Variants in GNG7 observed in about 807,000 individuals in gnomAD.
GNG7 encodes the protein G protein subunit gamma 7.
In GNG7, 1 loss-of-function variant was observed where a neutral mutation model predicts 4.0. The observed-to-expected ratio is 0.25, with a 90% CI of 0.09 to 1.18. GNG7 has a LOEUF of 1.18. GNG7 is among the 50% of genes most tolerant of loss of function. The pLI is 0.50. For missense variants in GNG7, 86 were observed against 91.9 expected (o/e 0.94, Z 0.26); for synonymous variants, 34 against 36.9 (o/e 0.92, Z 0.29).
chr19:2,688,021 G>A (rs1358203397), intron 1 of GNG7, among the ~76,000 whole-genome samples: 2 of 152,098 alleles, frequency 1.3e-5, no homozygotes, highest in Admixed American at 1.3e-4. Flanking sequence ...GGGAGGCCGA[G>A]CTGGGCAGAT....
rs1008809664 is a variant in GNG7, at chr19:2,511,871, G to A, written c.*3151C>T. On this transcript the variant is annotated 3_prime_UTR_variant, in exon 5 of 5. Coordinates refer to ENST00000382159, the MANE Select transcript of GNG7 (RefSeq NM_052847.3). The surrounding 1 kb of genome is among the most constrained non-coding windows in gnomAD (Gnocchi z 6.3). The stretch of plus-strand genomic sequence containing the variant: ...CTGGGGAGGGTGGGAGAGGGGTGAG[G>A]GTTCTGGCTCCTTCCTGGAGAGAGG... 1 of 986,108 alleles carries A rather than the reference G, an allele frequency of 1.0e-6. No individual in the cohort carries two copies. The highest frequency in any genetic ancestry group is 1.7e-5 in the African/African-American group (1 of 57,212). The allele number at this position is 986,108 out of a possible 1,614,324, so 61.1% of individuals were successfully genotyped here. A position where few individuals can be genotyped will look rare whatever the true frequency, so the allele number is the denominator to read the frequency against.
chr19:2,659,123 C>G (rs942651454), intron 1 of GNG7, among the ~76,000 whole-genome samples: 9 of 151,964 alleles, frequency 5.9e-5, no homozygotes, highest in African/African-American at 1.9e-4. Context: ...GCGCCCGCCA[C>G]CACACCTGGC....
Position 2,691,216 on chromosome 19 carries a change from T to C in GNG7, c.-135+11430A>G, listed in dbSNP as rs534998938. Among the ~76,000 whole-genome samples the C allele has an allele frequency of 5.9e-5, 9 of 152,324 alleles. No homozygotes were observed. The East Asian group carries it at 9.6e-4, about 16-fold the overall frequency. On this transcript the variant is annotated intron_variant, in intron 1 of 4. Coordinates refer to ENST00000382159, the MANE Select transcript of GNG7 (RefSeq NM_052847.3). ...ATTTAAAAACCCAACTGTATCTTTG[T>C]ACTTTAATGCAATAAAAGAATCATA... is the stretch of plus-strand genomic sequence containing the variant.
At chr19:2,522,665 TG>T (rs1278437526) in intron 3 of GNG7, among the ~76,000 whole-genome samples, 1 of 129,666 alleles carries the variant, frequency 7.7e-6, no homozygotes, top group Non-Finnish European at 1.5e-5. Flanking sequence ...GGCAGGAGAA[TG>T]GGGTGAACCC....
intron 3 of GNG7, among the ~76,000 whole-genome samples, chr19:2,552,854 C>CT (rs1027075933): frequency 7.5e-6 from 1 of 133,986 alleles, no homozygotes; most frequent in Admixed American, 7.9e-5. Flanking sequence ...CGGCTCCACC[C>CT]CCCCCACCTC....
intron 1 of GNG7, among the ~76,000 whole-genome samples, chr19:2,669,883 A>G (rs1599453179): frequency 6.6e-6 from 1 of 151,208 alleles, no homozygotes; most frequent in East Asian, 2.0e-4. Context: ...GGTGGCGGGT[A>G]CCTATAATCC....
intron 3 of GNG7, among the ~76,000 whole-genome samples, chr19:2,521,904 C>A (rs1978310988): frequency 6.6e-6 from 1 of 152,078 alleles, no homozygotes; most frequent in South Asian, 2.1e-4. Flanking sequence ...GTGAGCCCGG[C>A]CTCTCCTCCG....
Position 2,633,483 on chromosome 19 carries a change from G to A in GNG7, c.-78+12741C>T, listed in dbSNP as rs866578174. Among the ~76,000 whole-genome samples, 10,744 of 80,356 alleles carry A rather than the reference G, an allele frequency of 0.13. 1,054 individuals are homozygous for A. Among genetic ancestry groups the A allele is most frequent in the African/African-American group, 0.33 (8,949 of 26,750 alleles). 52.7% of individuals were successfully genotyped at this position (80,356 alleles called of 152,430 possible). A position where few individuals can be genotyped will look rare whatever the true frequency, so the allele number is the denominator to read the frequency against. On this transcript the variant is annotated intron_variant, in intron 2 of 4. Coordinates refer to ENST00000382159, the MANE Select transcript of GNG7 (RefSeq NM_052847.3). This position sits in a 1 kb window ranked among gnomAD's most constrained non-coding sequence, Gnocchi z 5.9. Reference sequence around the variant, plus strand: ...TGCTTAGCAACAGGCGCGCGCGCGCGCGCGCACACACACACACACACACAC... The same window carrying A: ...TGCTTAGCAACAGGCGCGCGCGCGCACGCGCACACACACACACACACACAC...
Position 2,617,726 on chromosome 19 carries a change from T to TTA in GNG7, c.-78+28497_-78+28498insTA, listed in dbSNP as rs1555698036. ...CTATTTTGTCTTTTCCTTTTTATTT[T>TTA]TTTTTTTTTTGAGATAGGGTCTTGC... On this transcript the variant is annotated intron_variant, in intron 2 of 4. Coordinates refer to ENST00000382159, the MANE Select transcript of GNG7 (RefSeq NM_052847.3). This position sits in a 1 kb window ranked among gnomAD's most constrained non-coding sequence, Gnocchi z 4.7. Among the ~76,000 whole-genome samples the TTA allele has an allele frequency of 1.1e-4, 17 of 150,994 alleles. No individual in the cohort carries two copies. The highest frequency in any genetic ancestry group is 3.9e-4 in the African/African-American group (16 of 40,560).
In GNG7 at chr19:2,513,225, C is replaced by G; in HGVS notation, c.*1797G>C. 6.5e-6 allele frequency: 5 copies of G among 764,894 alleles called. No individual in the cohort carries two copies. Among genetic ancestry groups the G allele is most frequent in the Non-Finnish European group, 8.0e-6 (5 of 628,598 alleles). 47.4% of individuals were successfully genotyped at this position (764,894 alleles called of 1,614,324 possible). A position where few individuals can be genotyped will look rare whatever the true frequency, so the allele number is the denominator to read the frequency against. On this transcript the variant is annotated 3_prime_UTR_variant, in exon 5 of 5. Coordinates refer to ENST00000382159, the MANE Select transcript of GNG7 (RefSeq NM_052847.3). ...GAGCCAAGCAGGGATCCCCGCCTCA[C>G]GGGCCTGCACGGAGGACCTGGGCGG...
At chr19:2,569,102 C>CA (rs1227127771) in intron 2 of GNG7, among the ~76,000 whole-genome samples, 1 of 151,994 alleles carries the variant, frequency 6.6e-6, no homozygotes, top group Admixed American at 6.6e-5. Flanking sequence ...CACATACACA[C>CA]AAATGCACAC....
Position 2,513,376 on chromosome 19 carries a change from G to C in GNG7, c.*1646C>G, listed in dbSNP as rs1415239623. ...CCAGCCCCGTGGAGGGGGTCGGGGC[G>C]GCCAGGCCTCCTGCGATCAGGGCTG... On this transcript the variant is annotated 3_prime_UTR_variant, in exon 5 of 5. Coordinates refer to ENST00000382159, the MANE Select transcript of GNG7 (RefSeq NM_052847.3). 4.3e-5 allele frequency: 22 copies of C among 507,086 alleles called. No homozygotes were observed. The Admixed American group carries it at 1.4e-3, about 32-fold the overall frequency. The allele number at this position is 507,086 out of a possible 1,614,324, so 31.4% of individuals were successfully genotyped here. A position where few individuals can be genotyped will look rare whatever the true frequency, so the allele number is the denominator to read the frequency against.
intron 1 of GNG7, among the ~76,000 whole-genome samples, chr19:2,670,330 C>T (rs1983419422): frequency 6.6e-6 from 1 of 152,174 alleles, no homozygotes; most frequent in Admixed American, 6.5e-5. Context: ...CAGAGACTGG[C>T]AGCAGGCCTG....
chr19:2,545,710 T>A (rs947327451), intron 3 of GNG7, among the ~76,000 whole-genome samples: 6 of 148,224 alleles, frequency 4.0e-5, no homozygotes, highest in Admixed American at 6.8e-5. Flanking sequence ...TACCAGCACT[T>A]TGGGAGGCTG....
chr19:2,641,423 C>T (rs895020798), intron 2 of GNG7, among the ~76,000 whole-genome samples: 2 of 152,016 alleles, frequency 1.3e-5, no homozygotes, highest in African/African-American at 4.8e-5. Context: ...GCCCCAATGT[C>T]CTCATAGCGT....
chr19:2,620,950 G>A (rs752066180), intron 2 of GNG7, among the ~76,000 whole-genome samples: 3 of 152,108 alleles, frequency 2.0e-5, no homozygotes, highest in Non-Finnish European at 2.9e-5. Flanking sequence ...AAGGGGTGAC[G>A]TGGCCGCCTT....
chr19:2,645,953 T>A (rs998474516), intron 2 of GNG7, among the ~76,000 whole-genome samples: 1 of 152,060 alleles, frequency 6.6e-6, no homozygotes, highest in Admixed American at 6.6e-5. Context: ...CGCTGTGGGC[T>A]TCCCACCCTG....
At chr19:2,652,287 T>A (rs1228033589) in intron 1 of GNG7, among the ~76,000 whole-genome samples, 1 of 151,862 alleles carries the variant, frequency 6.6e-6, no homozygotes, top group Non-Finnish European at 1.5e-5. Flanking sequence ...CACTGCGTAA[T>A]CCCACGTATT....
intron 1 of GNG7, among the ~76,000 whole-genome samples, chr19:2,668,237 CAGAG>C (rs1160706792): frequency 6.0e-5 from 9 of 149,096 alleles, no homozygotes; most frequent in African/African-American, 7.4e-5. Flanking sequence ...AAAAAAGAGA[CAGAG>C]AGAAGAGAAG....
Sources: gnomAD v4.1 joint callset for allele counts (sites outside exome capture counted in the v4.1 genomes callset) on GRCh38, gnomAD v4.1.1 for gene constraint, Gnocchi (gnomAD v3.1) non-coding constraint, MANE v1.5 for transcripts, NCBI Gene and HGNC (gene_info 2026-07-23, HGNC 2026-07-21) for gene names.